The following NALF1 variants were observed in gnomAD, a reference collection of about 807,000 sequenced individuals.
NALF1 encodes family with sequence similarity 155 member A.
A neutral mutation model predicts 48.4 loss-of-function variants in NALF1; 3 were observed. The observed-to-expected ratio is 0.06, with a 90% CI of 0.03 to 0.16. The LOEUF (loss-of-function observed/expected upper bound fraction) is 0.16. NALF1 is among the 10% of genes least tolerant of loss of function. NALF1 has a pLI of 1.00. For synonymous variants in NALF1, 262 were observed against 245.7 expected, an observed-to-expected ratio of 1.07 and a Z score of -0.62; for missense variants, 526 against 571.5, an observed-to-expected ratio of 0.92 and a Z score of 0.81.
At position 107,795,011 on chromosome 13, in the gene NALF1, C is replaced by A. The variant is rs117859838; in HGVS notation, c.915+70671G>T. On this transcript the variant is annotated intron_variant, in intron 1 of 2. Coordinates refer to ENST00000375915, the MANE Select transcript of NALF1 (RefSeq NM_001080396.3). ...CAAAAAGAAAAAAATATTTAAGAGG[C>A]ACATTAATGTGTATACACATTAATT... Among the ~76,000 whole-genome samples the A allele has an allele frequency of 1.9e-3, 286 of 152,040 alleles. 14 individuals are homozygous for A. In the East Asian group the frequency reaches 0.052, roughly 27 times the overall value.
intron 1 of NALF1, among the ~76,000 whole-genome samples, chr13:107,547,709 G>C (rs1877172436): frequency 6.6e-6 from 1 of 152,118 alleles, no homozygotes; most frequent in Admixed American, 6.6e-5. Context: ...CTAAGCACTT[G>C]GGGCCACATT....
intron 1 of NALF1, among the ~76,000 whole-genome samples, chr13:107,487,737 T>C (rs1433869889): frequency 6.6e-6 from 1 of 152,150 alleles, no homozygotes; most frequent in African/African-American, 2.4e-5. Context: ...GGCCTGAAGT[T>C]TTCTTTTTTT....
At chr13:107,446,186 C>T (rs1039256959) in intron 1 of NALF1, among the ~76,000 whole-genome samples, 3 of 152,136 alleles carry the variant, frequency 2.0e-5, no homozygotes, top group Non-Finnish European at 2.9e-5. Flanking sequence ...ATCTGCCCAC[C>T]TCAGGCTCCC....
At chr13:107,256,109 T>C (rs1045177832) in intron 1 of NALF1, among the ~76,000 whole-genome samples, 4 of 152,306 alleles carry the variant, frequency 2.6e-5, no homozygotes, top group African/African-American at 9.6e-5. Context: ...TCAAACTAGT[T>C]GTTGAAAACA....
chr13:107,171,205 T>A (rs1878796585), intron 2 of NALF1, among the ~76,000 whole-genome samples: 2 of 152,198 alleles, frequency 1.3e-5, no homozygotes, highest in African/African-American at 4.8e-5. Flanking sequence ...CAACAGATCA[T>A]AACGTCATAG....
At chr13:107,622,271 A>G (rs913686013) in intron 1 of NALF1, among the ~76,000 whole-genome samples, 1 of 151,974 alleles carries the variant, frequency 6.6e-6, no homozygotes, top group Non-Finnish European at 1.5e-5. Context: ...TCTACTAAAA[A>G]AACACAAAAT....
intron 1 of NALF1, among the ~76,000 whole-genome samples, chr13:107,813,072 T>C (rs764654847): frequency 1.3e-5 from 2 of 152,154 alleles, no homozygotes; most frequent in Admixed American, 6.5e-5. Context: ...TTATGATCTG[T>C]TTTGTAAAGC....
chr13:107,778,399 G>C (rs1877796776), intron 1 of NALF1, among the ~76,000 whole-genome samples: 4 of 152,208 alleles, frequency 2.6e-5, no homozygotes, highest in Admixed American at 2.6e-4. Context: ...GTGAGGAGTG[G>C]TTAAAGCAAC....
At chr13:107,332,272 C>T (rs1456482849) in intron 1 of NALF1, among the ~76,000 whole-genome samples, 1 of 152,100 alleles carries the variant, frequency 6.6e-6, no homozygotes, top group Non-Finnish European at 1.5e-5. Context: ...CAGAAGGGGA[C>T]AGAAACACAT....
chr13:107,241,854 T>C (rs1196350025), intron 1 of NALF1, among the ~76,000 whole-genome samples: 1 of 152,188 alleles, frequency 6.6e-6, no homozygotes, highest in Non-Finnish European at 1.5e-5. Context: ...GCAGAGCAGT[T>C]AGCAGAGGGT....
At chr13:107,647,355 A>C (rs901017627) in intron 1 of NALF1, among the ~76,000 whole-genome samples, 1 of 151,888 alleles carries the variant, frequency 6.6e-6, no homozygotes, top group South Asian at 2.1e-4. Context: ...GACAAGATGC[A>C]TTTTCACTAA....
intron 1 of NALF1, among the ~76,000 whole-genome samples, chr13:107,429,178 C>T (rs370649160): frequency 3.3e-5 from 5 of 151,792 alleles, no homozygotes; most frequent in South Asian, 2.1e-4. Flanking sequence ...TAAAATTAGC[C>T]GGGCGTGGTT....
intron 1 of NALF1, among the ~76,000 whole-genome samples, chr13:107,834,983 A>G (rs139147297): frequency 0.012 from 1,894 of 152,240 alleles, 15 homozygotes; most frequent in Non-Finnish European, 0.017. Flanking sequence ...GCCTCTAAAG[A>G]CTGACTGTGG....
rs147103343 is a variant in NALF1 at position 107,382,971 on chromosome 13, A to T, written c.916-172216T>A. On this transcript the variant is annotated intron_variant, in intron 1 of 2. Coordinates refer to ENST00000375915, the MANE Select transcript of NALF1 (RefSeq NM_001080396.3). ...AGATATCCAGAGACAGCAGCTCTGG[A>T]GCTCAAAGCTGCAATCAGCAGTGAG... Among the ~76,000 whole-genome samples, 498 of 152,316 alleles carry T rather than the reference A, an allele frequency of 3.3e-3. 3 individuals carry two copies. Among genetic ancestry groups the T allele is most frequent in the African/African-American group, 0.011 (441 of 41,560 alleles).
At chr13:107,488,194 AT>A (rs748235709) in intron 1 of NALF1, among the ~76,000 whole-genome samples, 2 of 140,682 alleles carry the variant, frequency 1.4e-5, no homozygotes, top group Non-Finnish European at 3.1e-5. Context: ...CTATTATTTT[AT>A]TAACTTTTTT....
intron 1 of NALF1, among the ~76,000 whole-genome samples, chr13:107,817,986 G>C (rs1879220883): frequency 6.6e-6 from 1 of 152,190 alleles, no homozygotes; most frequent in Non-Finnish European, 1.5e-5. Context: ...CAAGCTCTTT[G>C]CTTTCAAGGG....
chr13:107,850,630 C>T (rs1417679253), intron 1 of NALF1, among the ~76,000 whole-genome samples: 4 of 152,230 alleles, frequency 2.6e-5, no homozygotes, highest in South Asian at 2.1e-4. Context: ...TGGCCAGGCA[C>T]GGTGACTCAC....
intron 1 of NALF1, among the ~76,000 whole-genome samples, chr13:107,319,442 G>C (rs1882212337): frequency 6.6e-6 from 1 of 152,082 alleles, no homozygotes; most frequent in East Asian, 1.9e-4. Context: ...TGACAGCCAA[G>C]AACACCACTG....
Position 107,622,166 on chromosome 13 carries a change from T to C in NALF1, c.915+243516A>G, listed in dbSNP as rs373548125. Among the ~76,000 whole-genome samples the C allele has an allele frequency of 2.2e-4, 33 of 152,006 alleles. No homozygotes were observed. The South Asian group carries it at 6.5e-3, about 30-fold the overall frequency. On this transcript the variant is annotated intron_variant, in intron 1 of 2. Coordinates refer to ENST00000375915, the MANE Select transcript of NALF1 (RefSeq NM_001080396.3). ...AATCATGGCTGGGTACGGTGGCTCA[T>C]GCCTGTAATCCCAGCACTTTGGGAG...
Sources: gnomAD v4.1 joint callset for allele counts (sites outside exome capture counted in the v4.1 genomes callset) on GRCh38, gnomAD v4.1.1 for gene constraint, MANE v1.5 for transcripts, NCBI Gene and HGNC (gene_info 2026-07-23, HGNC 2026-07-21) for gene names.